ARHGAP6: variants seen among roughly 807,000 people sequenced by gnomAD.
The protein encoded by ARHGAP6 is Rho GTPase activating protein 6.
Under a neutral mutation model 55.7 loss-of-function variants are expected in ARHGAP6, and 16 were observed. The observed-to-expected ratio is 0.29, with a 90% CI of 0.19 to 0.44. The LOEUF (loss-of-function observed/expected upper bound fraction) is 0.44, where lower values mean the gene tolerates loss of function less well. Among genes scored for constraint, ARHGAP6 ranks in the 20% least tolerant of loss-of-function variants. The probability of loss-of-function intolerance (pLI) is 1.00; values close to 1 mark genes in which losing one functional copy is unlikely to be tolerated. For synonymous variants in ARHGAP6, 382 were observed against 360.9 expected (o/e 1.06, Z -0.66); for missense variants, 698 against 808.9 (o/e 0.86, Z 1.66).
intron 1 of ARHGAP6, among the ~76,000 whole-genome samples, chrX:11,531,070 A>G (rs1429825436): frequency 8.9e-6 from 1 of 112,321 alleles, no homozygotes; most frequent in Non-Finnish European, 1.9e-5. Context: ...GAATGGATAG[A>G]TGAATGAATT....
At chrX:11,156,456 C>A in intron 10 of ARHGAP6, 73 bp downstream of exon 10, 1 of 1,012,558 alleles carries the variant, frequency 9.9e-7, no homozygotes, top group Non-Finnish European at 1.4e-6. Flanking sequence ...TTATGTAAAC[C>A]TTTCCAATTT....
intron 1 of ARHGAP6, among the ~76,000 whole-genome samples, chrX:11,651,198 G>C (rs939964592): frequency 1.8e-5 from 2 of 111,389 alleles, no homozygotes; most frequent in Admixed American, 9.5e-5. Flanking sequence ...GTAAACTTGT[G>C]TCACGGGGGT....
intron 1 of ARHGAP6, among the ~76,000 whole-genome samples, chrX:11,559,378 T>C (rs2051359398): frequency 9.0e-6 from 1 of 111,207 alleles, no homozygotes; most frequent in Non-Finnish European, 1.9e-5. Flanking sequence ...CTTGTTATCC[T>C]TCAAAATGTC....
At chrX:11,355,473 T>G (rs1160452816) in intron 1 of ARHGAP6, among the ~76,000 whole-genome samples, 1 of 112,308 alleles carries the variant, frequency 8.9e-6, no homozygotes, top group Non-Finnish European at 1.9e-5. Flanking sequence ...ATTTGAATGG[T>G]GAAGTAGTAG....
intron 1 of ARHGAP6, among the ~76,000 whole-genome samples, chrX:11,282,583 A>G (rs2047870960): frequency 8.9e-6 from 1 of 112,334 alleles, no homozygotes; most frequent in East Asian, 2.8e-4. Flanking sequence ...GTAACAATTT[A>G]TAAGGTAGAA....
intron 1 of ARHGAP6, among the ~76,000 whole-genome samples, chrX:11,278,453 G>C (rs1057280612): frequency 2.7e-5 from 3 of 111,544 alleles, no homozygotes; most frequent in African/African-American, 9.8e-5. Context: ...AGTGTGGGTG[G>C]TTTTAGAGCC....
At chrX:11,181,511 T>C (rs1310364984) in intron 6 of ARHGAP6, among the ~76,000 whole-genome samples, 1 of 112,347 alleles carries the variant, frequency 8.9e-6, no homozygotes, top group African/African-American at 3.2e-5. Context: ...GAACCTATTG[T>C]TGAAGGTCTA....
chrX:11,640,789 C>T (rs1281540312), intron 1 of ARHGAP6, among the ~76,000 whole-genome samples: 1 of 111,557 alleles, frequency 9.0e-6, no homozygotes, highest in Non-Finnish European at 1.9e-5. Flanking sequence ...GCTCAAAGTA[C>T]CCCCATCTGT....
At chrX:11,560,374 C>T (rs943384939) in intron 1 of ARHGAP6, among the ~76,000 whole-genome samples, 1 of 112,008 alleles carries the variant, frequency 8.9e-6, no homozygotes, top group Non-Finnish European at 1.9e-5. Context: ...TAATACAGAA[C>T]GTCAAAGAAT....
chrX:11,490,580 T>C (rs142776294), intron 1 of ARHGAP6, among the ~76,000 whole-genome samples: 347 of 111,660 alleles, frequency 3.1e-3, no homozygotes, highest in African/African-American at 0.011. Flanking sequence ...GCCTCTAAGT[T>C]TGTGGTAATT....
chrX:11,626,932 G>T (rs1236097645), intron 1 of ARHGAP6, among the ~76,000 whole-genome samples: 1 of 111,424 alleles, frequency 9.0e-6, no homozygotes, highest in Admixed American at 9.5e-5. Flanking sequence ...GAAAATCTCA[G>T]AAATTCATAG....
At chrX:11,491,492 C>A (rs1306586139) in intron 1 of ARHGAP6, among the ~76,000 whole-genome samples, 2 of 110,785 alleles carry the variant, frequency 1.8e-5, no homozygotes, top group East Asian at 2.8e-4. Flanking sequence ...CGATAGTTTA[C>A]TGAGAATGAT....
intron 1 of ARHGAP6, among the ~76,000 whole-genome samples, chrX:11,637,400 G>A (rs140092119): frequency 0.013 from 1,460 of 111,734 alleles, 23 homozygotes; most frequent in African/African-American, 0.044. Flanking sequence ...CCCAGCCACT[G>A]CTGGGAGTCC....
At chrX:11,279,127 T>C (rs1331145760) in intron 1 of ARHGAP6, among the ~76,000 whole-genome samples, 2 of 111,928 alleles carry the variant, frequency 1.8e-5, no homozygotes, top group African/African-American at 6.5e-5. Flanking sequence ...GGTTCAGACC[T>C]AGCTTAACAT....
Position 11,182,635 on chromosome X carries a change from C to CTT in ARHGAP6, c.1274-519_1274-518dup, listed in dbSNP as rs1043810466. 1.1e-3 allele frequency among the ~76,000 whole-genome samples: 94 copies of CTT among 83,113 alleles called. 1 individual carries two copies. The highest frequency in any genetic ancestry group is 2.8e-3 in the African/African-American group (63 of 22,235). 72.2% of individuals were successfully genotyped at this position (83,113 alleles called of 115,157 possible). On this transcript the variant is annotated intron_variant, in intron 5 of 12. Coordinates refer to ENST00000337414, the MANE Select transcript of ARHGAP6 (RefSeq NM_013427.3). Reference sequence around the variant, plus strand: ...CTTTCTTTCTTTTTTTTCCTTTTTTCTTTTTTTTTTTTTTTTTTGAGATAG... The same window carrying CTT: ...CTTTCTTTCTTTTTTTTCCTTTTTTCTTTTTTTTTTTTTTTTTTTTGAGATAG...
At chrX:11,408,824 C>T in intron 1 of ARHGAP6, among the ~76,000 whole-genome samples, 1 of 110,275 alleles carries the variant, frequency 9.1e-6, no homozygotes, top group Non-Finnish European at 1.9e-5. Flanking sequence ...ACCTCCTATT[C>T]TGAGTGTCCA....
At chrX:11,302,912 TAC>T (rs2048189656) in intron 1 of ARHGAP6, among the ~76,000 whole-genome samples, 1 of 111,944 alleles carries the variant, frequency 8.9e-6, no homozygotes, top group South Asian at 3.7e-4. Context: ...AAAATAAAAA[TAC>T]AGACTTTTCT....
At chrX:11,602,172 AATATAT>A (rs768156332) in intron 1 of ARHGAP6, among the ~76,000 whole-genome samples, 4 of 111,489 alleles carry the variant, frequency 3.6e-5, no homozygotes, top group Admixed American at 1.9e-4. Context: ...ATGCTTCATA[AATATAT>A]ATATAATTTG....
intron 1 of ARHGAP6, among the ~76,000 whole-genome samples, chrX:11,371,791 G>C (rs1306003642): frequency 8.9e-6 from 1 of 112,191 alleles, no homozygotes; most frequent in Non-Finnish European, 1.9e-5. Flanking sequence ...ACTAGTACTT[G>C]AGCTCATGCT....
Sources: gnomAD v4.1 joint callset for allele counts (sites outside exome capture counted in the v4.1 genomes callset) on GRCh38, gnomAD v4.1.1 for gene constraint, MANE v1.5 for transcripts, NCBI Gene and HGNC (gene_info 2026-07-23, HGNC 2026-07-21) for gene names.